The following XRN2 variants were observed in gnomAD, a reference collection of about 807,000 sequenced individuals.
XRN2 encodes DHM1-like protein.
In XRN2, 44 loss-of-function variants were observed where a neutral mutation model predicts 138.5. The ratio of observed to expected loss-of-function variants is 0.32; its 90% CI spans 0.25 to 0.41. The LOEUF (loss-of-function observed/expected upper bound fraction) is 0.41, where lower values mean the gene tolerates loss of function less well. Ranked by LOEUF, XRN2 falls within the 10% of genes least tolerant of loss-of-function variation. The pLI is 1.00. For missense variants in XRN2, 937 were observed against 1,169.3 expected, an observed-to-expected ratio of 0.80 and a Z score of 2.90; for synonymous variants, 354 against 369.4, an observed-to-expected ratio of 0.96 and a Z score of 0.48.
intron 1 of XRN2, among the ~76,000 whole-genome samples, chr20:21,317,069 T>C (rs575946872): frequency 6.6e-6 from 1 of 152,324 alleles, no homozygotes. Flanking sequence ...AATTTCTTTT[T>C]TTTCTAATAT....
chr20:21,375,959 C>T (rs978811422), intron 27 of XRN2, among the ~76,000 whole-genome samples: 2 of 151,672 alleles, frequency 1.3e-5, no homozygotes, highest in Non-Finnish European at 3.0e-5. Flanking sequence ...CTGCCTCAGC[C>T]TCCTGAGTAG....
intron 1 of XRN2, among the ~76,000 whole-genome samples, chr20:21,304,577 T>C (rs574099863): frequency 3.4e-4 from 52 of 152,228 alleles, no homozygotes; most frequent in Non-Finnish European, 5.7e-4. Context: ...TCTCCACCTT[T>C]AACTGTTTTG....
chr20:21,326,492 C>T lies in XRN2; in HGVS notation c.206C>T (p.Pro69Leu), dbSNP rs2038130488. 6.2e-7 allele frequency: 1 copy of T among 1,613,706 alleles called. No homozygotes were observed. The highest frequency in any genetic ancestry group is 8.5e-7 in the Non-Finnish European group (1 of 1,179,910). Residue 69 changes from proline to leucine, a missense_variant and splice_region_variant, in exon 3 of 30, where the codon CCA becomes CTA. Physicochemically the swap from Pro to Leu is moderately conservative, Grantham distance 98 (BLOSUM62 -3). Coordinates refer to ENST00000377191, the MANE Select transcript of XRN2 (RefSeq NM_012255.5). Reference protein sequence around the residue: ...IHPCTHPEDKPAPKNEDEMMV... With the variant: ...IHPCTHPEDKLAPKNEDEMMV... ...ACATTGTTTGGTTGTCATTATAGAC[C>T]AGCACCAAAAAATGAAGATGAAATG... is the stretch of plus-strand genomic sequence containing the variant.
At chr20:21,310,411 A>G (rs902884827) in intron 1 of XRN2, among the ~76,000 whole-genome samples, 8 of 152,158 alleles carry the variant, frequency 5.3e-5, no homozygotes, top group African/African-American at 1.7e-4. Flanking sequence ...AATTTTGACT[A>G]TAACTTTTGG....
At chr20:21,364,464 A>G (rs959482360) in intron 24 of XRN2, among the ~76,000 whole-genome samples, 8 of 152,308 alleles carry the variant, frequency 5.3e-5, no homozygotes, top group African/African-American at 1.9e-4. Context: ...CTACCAGAAA[A>G]GAAGTTCGAC....
Position 21,326,540 on chromosome 20 carries a change from T to C in XRN2, c.254T>C (p.Ile85Thr), listed in dbSNP as rs2122201153. ...ATGATGGTTGCAATTTTTGAGTACA[T>C]TGACAGACTTTTCAGTATTGTAAGA... is the stretch of plus-strand genomic sequence containing the variant. ...DEMMVAIFEY[I>T]DRLFSIVRPR... The change falls in exon 3 of 30, where the codon ATT (isoleucine) becomes ACT (threonine). Residue 85 changes from isoleucine (I) to threonine (T), a missense_variant. Transcript: ENST00000377191. 2 of 1,614,086 alleles carry C rather than the reference T, an allele frequency of 1.2e-6. No individual in the cohort carries two copies. The highest frequency in any genetic ancestry group is 8.5e-7 in the Non-Finnish European group (1 of 1,179,984).
chr20:21,332,277 T>G lies in XRN2; in HGVS notation c.701-6T>G, dbSNP rs376252230. The G allele has an allele frequency of 1.2e-4, 189 of 1,607,580 alleles. No individual in the cohort carries two copies. Among genetic ancestry groups the G allele is most frequent in the Middle Eastern group, 9.9e-4 (6 of 6,052 alleles). On this transcript the variant is annotated splice_region_variant and splice_polypyrimidine_tract_variant and intron_variant, in intron 8 of 29. Coordinates refer to ENST00000377191, the MANE Select transcript of XRN2 (RefSeq NM_012255.5). Reference sequence around the variant, plus strand: ...GTTCGATGTTTTTCTCATTGTTGATTGATAGCTGATCTCATTATGCTTGGC... The same window carrying G: ...GTTCGATGTTTTTCTCATTGTTGATGGATAGCTGATCTCATTATGCTTGGC...
chr20:21,320,773 T>G (rs2038029588), intron 1 of XRN2, among the ~76,000 whole-genome samples: 1 of 152,086 alleles, frequency 6.6e-6, no homozygotes, highest in African/African-American at 2.4e-5. Flanking sequence ...TTTTTGTATT[T>G]TTAGTAGAGA....
At chr20:21,374,239 T>C (rs939494063) in intron 27 of XRN2, among the ~76,000 whole-genome samples, 2 of 152,208 alleles carry the variant, frequency 1.3e-5, no homozygotes, top group African/African-American at 4.8e-5. Context: ...AATCTTTTTG[T>C]GTACACAATT....
chr20:21,348,127 A>T lies in XRN2; in HGVS notation c.1666-19A>T, dbSNP rs1271928231. ...AACATAGGTTTTTGATTTTGTTGTT[A>T]CTTTTTTAATGATTCTAGGGCTGTG... On this transcript the variant is annotated intron_variant, in intron 17 of 29. Transcript: ENST00000377191. 6.3e-7 allele frequency: 1 copy of T among 1,576,078 alleles called. No individual in the cohort carries two copies. The highest frequency in any genetic ancestry group is 2.1e-5 in the Admixed American group (1 of 48,398).
intron 1 of XRN2, among the ~76,000 whole-genome samples, chr20:21,314,060 T>A (rs535727321): frequency 6.6e-6 from 1 of 152,328 alleles, no homozygotes; most frequent in Non-Finnish European, 1.5e-5. Context: ...AAGAAACTTG[T>A]ACCCTTTAGC....
At chr20:21,327,086 T>A (rs2038138711) in intron 3 of XRN2, among the ~76,000 whole-genome samples, 1 of 152,148 alleles carries the variant, frequency 6.6e-6, no homozygotes, top group East Asian at 1.9e-4. Flanking sequence ...CCTTCCAGAT[T>A]TCTCAAATGT....
At chr20:21,334,822 C>G (rs1441575890) in intron 13 of XRN2, among the ~76,000 whole-genome samples, 4 of 152,110 alleles carry the variant, frequency 2.6e-5, no homozygotes, top group African/African-American at 9.7e-5. Context: ...AAAGTAAAAA[C>G]TGAGTTTCAT....
intron 1 of XRN2, among the ~76,000 whole-genome samples, chr20:21,321,952 C>T (rs2038052131): frequency 1.3e-5 from 2 of 152,156 alleles, no homozygotes; most frequent in South Asian, 2.1e-4. Context: ...GTACACATCA[C>T]TTTGAATCTA....
chr20:21,340,961 T>G (rs527620244), intron 15 of XRN2, 109 bp downstream of exon 15: 6 of 1,245,258 alleles, frequency 4.8e-6, no homozygotes, highest in South Asian at 2.9e-5. Context: ...TGTTTTATAG[T>G]TTTTCTTAAT....
intron 27 of XRN2, 104 bp downstream of exon 27, chr20:21,368,694 A>G (rs1194375219): frequency 1.1e-5 from 16 of 1,439,048 alleles, no homozygotes; most frequent in Non-Finnish European, 1.5e-5. Context: ...ATCAGTGCAG[A>G]CAGTGAACTT....
chr20:21,366,192 T>C lies in XRN2; in HGVS notation c.2456+488T>C, dbSNP rs868462588. Among the ~76,000 whole-genome samples the C allele has an allele frequency of 7.4e-3, 952 of 129,410 alleles. 21 individuals carry two copies. The highest frequency in any genetic ancestry group is 0.023 in the African/African-American group (801 of 34,278). 84.9% of individuals were successfully genotyped at this position (129,410 alleles called of 152,430 possible). ...ATAATATATATAAATATATATTATA[T>C]TTATAGTTTATATATATAATATAGT... is the stretch of plus-strand genomic sequence containing the variant. On this transcript the variant is annotated intron_variant, in intron 26 of 29. Coordinates refer to ENST00000377191, the MANE Select transcript of XRN2 (RefSeq NM_012255.5).
intron 4 of XRN2, among the ~76,000 whole-genome samples, chr20:21,330,018 C>T (rs1399357161): frequency 6.6e-6 from 1 of 152,138 alleles, no homozygotes; most frequent in African/African-American, 2.4e-5. Flanking sequence ...CACGATGGCT[C>T]ACCCCTGTAA....
chr20:21,314,655 T>C (rs1473535939), intron 1 of XRN2, among the ~76,000 whole-genome samples: 1 of 143,320 alleles, frequency 7.0e-6, no homozygotes, highest in Non-Finnish European at 1.5e-5. Context: ...CTTGGCTAAC[T>C]TTTTTTTTTT....
Sources: gnomAD v4.1 joint callset for allele counts (sites outside exome capture counted in the v4.1 genomes callset) on GRCh38, gnomAD v4.1.1 for gene constraint, MANE v1.5 for transcripts, NCBI Gene and HGNC (gene_info 2026-07-23, HGNC 2026-07-21) for gene names.